The following ARHGAP35 variants were observed in gnomAD, a reference collection of about 807,000 sequenced individuals.
ARHGAP35 encodes Rho GTPase activating protein 35.
ARHGAP35 carries 15 observed loss-of-function variants against 111.1 expected under a neutral mutation model. The observed-to-expected ratio is 0.13, with a 90% CI of 0.09 to 0.21. The LOEUF (loss-of-function observed/expected upper bound fraction) is 0.21. ARHGAP35 is among the 10% of genes least tolerant of loss of function. The pLI is 1.00. For missense variants in ARHGAP35, 1,262 were observed against 1,873.0 expected, an observed-to-expected ratio of 0.67 and a Z score of 6.02; for synonymous variants, 643 against 710.3, an observed-to-expected ratio of 0.91 and a Z score of 1.51.
At chr19:46,902,361 T>G (rs551402753) in intron 1 of ARHGAP35, among the ~76,000 whole-genome samples, 16 of 152,342 alleles carry the variant, frequency 1.1e-4, no homozygotes, top group African/African-American at 3.8e-4. Context: ...GATCTTTAAT[T>G]AGAAGCAATC....
rs10403064 is a variant in ARHGAP35 at position 46,941,657 on chromosome 19, G to A, written c.3826+4249G>A. The stretch of plus-strand genomic sequence containing the variant: ...GTGGTGCAGTCATAGCTCACTTGCA[G>A]CCTCACCTTTCTGGCCTCAAGCCTC... On this transcript the variant is annotated intron_variant, in intron 3 of 6. Coordinates refer to ENST00000672722, the MANE Select transcript of ARHGAP35 (RefSeq NM_004491.5). Among the ~76,000 whole-genome samples, 700 of 150,446 alleles carry A rather than the reference G, an allele frequency of 4.7e-3. 11 individuals are homozygous for A. Among genetic ancestry groups the A allele is most frequent in the Middle Eastern group, 0.031 (9 of 294 alleles).
chr19:46,984,617 G>A (rs1476747304), intron 3 of ARHGAP35, among the ~76,000 whole-genome samples: 1 of 152,200 alleles, frequency 6.6e-6, no homozygotes, highest in East Asian at 1.9e-4. Flanking sequence ...TTACGCCGTG[G>A]TATTGTGTAC....
chr19:46,899,800 C>T (rs914563037), intron 1 of ARHGAP35, among the ~76,000 whole-genome samples: 3 of 151,644 alleles, frequency 2.0e-5, no homozygotes, highest in Non-Finnish European at 2.9e-5. Context: ...AATGAGGAAA[C>T]TCTTATGATA....
chr19:46,973,048 CAT>C lies in ARHGAP35; in HGVS notation c.3827-14940_3827-14939del, dbSNP rs1268614385. On this transcript the variant is annotated intron_variant, in intron 3 of 6. Coordinates refer to ENST00000672722, the MANE Select transcript of ARHGAP35 (RefSeq NM_004491.5). Reference sequence around the variant, plus strand: ...TTTTTTTCTTCCTGACAAATCTGTACATTTTCTTTTCTTTTTTAAAAAAATTG... The same window carrying C: ...TTTTTTTCTTCCTGACAAATCTGTACTTTCTTTTCTTTTTTAAAAAAATTG... 1.6e-4 allele frequency among the ~76,000 whole-genome samples: 25 copies of C among 152,236 alleles called. No individual in the cohort carries two copies. In the East Asian group the frequency reaches 4.8e-3, roughly 29 times the overall value.
In ARHGAP35 at chr19:46,861,026, A is replaced by G. The variant is rs1173026309; in HGVS notation, c.-372A>G. Among the ~76,000 whole-genome samples the G allele has an allele frequency of 7.0e-6, 1 of 142,262 alleles. No individual in the cohort carries two copies. The highest frequency in any genetic ancestry group is 2.4e-4 in the East Asian group (1 of 4,162). The allele number at this position is 142,262 out of a possible 152,430, so 93.3% of individuals were successfully genotyped here. On this transcript the variant is annotated 5_prime_UTR_variant, in exon 1 of 7. Transcript: ENST00000672722. ...CGAGGGAGAGCCGCGGCGCGGCGGC[A>G]GGAGGAGGTGGAGGAGGCGGAGGAG...
intron 3 of ARHGAP35, among the ~76,000 whole-genome samples, chr19:46,978,606 GTGT>G (rs200571926): frequency 4.1e-5 from 5 of 122,944 alleles, no homozygotes; most frequent in Non-Finnish European, 7.4e-5. Flanking sequence ...GGGGGGTGTG[GTGT>G]GGTGTGTGTG....
intron 1 of ARHGAP35, among the ~76,000 whole-genome samples, chr19:46,877,438 C>T (rs1277034788): frequency 1.3e-5 from 2 of 151,768 alleles, no homozygotes; most frequent in African/African-American, 4.8e-5. Flanking sequence ...TGGTGGGCAC[C>T]TGTAATCCCC....
chr19:46,881,273 A>G (rs1226097778), intron 1 of ARHGAP35, among the ~76,000 whole-genome samples: 1 of 152,214 alleles, frequency 6.6e-6, no homozygotes, highest in African/African-American at 2.4e-5. Flanking sequence ...CATGGGATCT[A>G]GAATGGTGAA....
chr19:46,930,877 A>G (rs971788566), intron 2 of ARHGAP35, among the ~76,000 whole-genome samples: 1 of 152,020 alleles, frequency 6.6e-6, no homozygotes, highest in Non-Finnish European at 1.5e-5. Flanking sequence ...TGGTCCTAGT[A>G]TTAGCTCTGC....
chr19:47,002,072 G>GC lies in ARHGAP35; in HGVS notation c.*1390dup. On this transcript the variant is annotated 3_prime_UTR_variant, in exon 7 of 7. Coordinates refer to ENST00000672722, the MANE Select transcript of ARHGAP35 (RefSeq NM_004491.5). Reference sequence around the variant, plus strand: ...AAAAGCTCTTCTCCTGGCCACCTCTGCCCCCCAGCACCTCAAACTTGCATG... The same window carrying GC: ...AAAAGCTCTTCTCCTGGCCACCTCTGCCCCCCCAGCACCTCAAACTTGCATG... The GC allele has an allele frequency of 1.3e-5, 2 of 153,198 alleles. No individual in the cohort carries two copies. The highest frequency in any genetic ancestry group is 2.1e-4 in the South Asian group (1 of 4,854). The allele number at this position is 153,198 out of a possible 1,614,324, so 9.5% of individuals were successfully genotyped here.
intron 1 of ARHGAP35, among the ~76,000 whole-genome samples, chr19:46,867,758 T>G (rs61229671): frequency 0.074 from 11,320 of 152,146 alleles, 604 homozygotes; most frequent in Non-Finnish European, 0.12. Flanking sequence ...GCTAAAGTTT[T>G]TTGTTGTTGT....
intron 1 of ARHGAP35, among the ~76,000 whole-genome samples, chr19:46,911,297 G>A (rs1034599921): frequency 7.9e-5 from 12 of 152,210 alleles, no homozygotes; most frequent in Middle Eastern, 3.4e-3. Context: ...CCAGGAAATG[G>A]TCTATACCAT....
chr19:46,911,262 T>C (rs1015004249), intron 1 of ARHGAP35, among the ~76,000 whole-genome samples: 3 of 152,238 alleles, frequency 2.0e-5, no homozygotes, highest in Non-Finnish European at 2.9e-5. Context: ...TACTCCAGAT[T>C]GAATGGTTTT....
At chr19:46,884,470 A>G (rs1288054888) in intron 1 of ARHGAP35, among the ~76,000 whole-genome samples, 1 of 146,460 alleles carries the variant, frequency 6.8e-6, no homozygotes, top group Non-Finnish European at 1.5e-5. Flanking sequence ...TAGTTTTCTC[A>G]TCTATAAAAT....
intron 1 of ARHGAP35, among the ~76,000 whole-genome samples, chr19:46,913,909 C>T (rs906003555): frequency 2.0e-5 from 3 of 152,156 alleles, no homozygotes; most frequent in Admixed American, 1.3e-4. Flanking sequence ...ACTCTAAAGA[C>T]ATTGTGAAGT....
chr19:46,921,869 A>G lies in ARHGAP35; in HGVS notation c.3194A>G (p.Asp1065Gly). The G allele has an allele frequency of 6.2e-7, 1 of 1,613,988 alleles. No individual in the cohort carries two copies. The highest frequency in any genetic ancestry group is 8.5e-7 in the Non-Finnish European group (1 of 1,179,874). ...TCTTATTTAGACCAAGGCCATAGGG[A>G]TGGACAGAGGAAGTCTGTGTCTTCT... Reference protein sequence around the residue: ...DLSYLDQGHRDGQRKSVSSSP... With the variant: ...DLSYLDQGHRGGQRKSVSSSP... The change falls in exon 2 of 7, where the codon GAT becomes GGT. Residue 1065 changes from aspartate (D) to glycine (G), a missense_variant. Physicochemically the swap from Asp to Gly is moderately conservative, Grantham distance 94. Around this residue, in one of 8 missense-constraint regions of ARHGAP35, gnomAD observed 579 missense variants for 716.9 expected, o/e 0.81. Transcript: ENST00000672722. The surrounding 1 kb of genome is among the most constrained non-coding windows in gnomAD (Gnocchi z 4.3).
At chr19:46,962,543 CAAGG>C (rs2056490060) in intron 3 of ARHGAP35, among the ~76,000 whole-genome samples, 1 of 152,202 alleles carries the variant, frequency 6.6e-6, no homozygotes, top group South Asian at 2.1e-4. Context: ...AGGCAGTAGA[CAAGG>C]GTGGGGAAGT....
intron 1 of ARHGAP35, among the ~76,000 whole-genome samples, chr19:46,878,622 A>G (rs2055940070): frequency 6.6e-6 from 1 of 152,036 alleles, no homozygotes; most frequent in Non-Finnish European, 1.5e-5. Flanking sequence ...TCCAGCTCCC[A>G]CAACTTCCTT....
At chr19:46,864,158 G>A (rs1220702761) in intron 1 of ARHGAP35, among the ~76,000 whole-genome samples, 1 of 152,228 alleles carries the variant, frequency 6.6e-6, no homozygotes, top group Non-Finnish European at 1.5e-5. Flanking sequence ...GGGGTGCCAG[G>A]AACTGGCGGA....
Sources: allele counts gnomAD v4.1 joint callset (sites outside exome capture counted in the v4.1 genomes callset), GRCh38; gene constraint gnomAD v4.1.1; regional missense constraint gnomAD v4.1.1; non-coding constraint Gnocchi (gnomAD v3.1); transcripts MANE v1.5; gene names NCBI Gene and HGNC (gene_info 2026-07-23, HGNC 2026-07-21).